Variants in DYNC1LI2 observed in about 807,000 individuals in gnomAD.
DYNC1LI2 encodes cytoplasmic dynein 1 light intermediate chain 2.
In DYNC1LI2, 19 loss-of-function variants were observed where a neutral mutation model predicts 57.8. The ratio of observed to expected loss-of-function variants is 0.33; its 90% CI spans 0.23 to 0.48. DYNC1LI2 has a LOEUF of 0.48. Ranked by LOEUF, DYNC1LI2 falls within the 20% of genes least tolerant of loss-of-function variation. The pLI is 0.99. For missense variants in DYNC1LI2, 470 were observed against 604.2 expected, an observed-to-expected ratio of 0.78 and a Z score of 2.33; for synonymous variants, 256 against 233.4, an observed-to-expected ratio of 1.10 and a Z score of -0.88.
chr16:66,741,897 C>CAAAAAAAAAAAA (rs66527903), intron 4 of DYNC1LI2, among the ~76,000 whole-genome samples: 1 of 106,848 alleles, frequency 9.4e-6, no homozygotes, highest in African/African-American at 3.6e-5. Flanking sequence ...ATGTTAATTA[C>CAAAAAAAAAAAA]AAAAAAAAAA....
At chr16:66,732,227 A>T (rs918621225) in intron 7 of DYNC1LI2, 112 bp downstream of exon 7, 19 of 1,310,100 alleles carry the variant, frequency 1.5e-5, no homozygotes, top group Non-Finnish European at 1.9e-5. Context: ...GCAGTGAGAG[A>T]GCTGGCTGTA....
At chr16:66,728,821 T>C (rs1197643633) in intron 9 of DYNC1LI2, among the ~76,000 whole-genome samples, 2 of 152,222 alleles carry the variant, frequency 1.3e-5, no homozygotes. Context: ...CTACTATTCC[T>C]GTAGGAGAGT....
At chr16:66,740,363 C>CAA (rs1015964008) in intron 4 of DYNC1LI2, among the ~76,000 whole-genome samples, 5 of 152,266 alleles carry the variant, frequency 3.3e-5, no homozygotes, top group Middle Eastern at 3.4e-3. Flanking sequence ...ATCTGGAAAG[C>CAA]AAGAGTCCTC....
chr16:66,722,116 G>A lies in DYNC1LI2; in HGVS notation c.*1606C>T, dbSNP rs971041662. Reference sequence around the variant, plus strand: ...TATCAGAAAGGCAAGTTGATACTCAGCTTTCTCCTTAACAGTGTTCAGACC... The same window carrying A: ...TATCAGAAAGGCAAGTTGATACTCAACTTTCTCCTTAACAGTGTTCAGACC... On this transcript the variant is annotated 3_prime_UTR_variant, in exon 13 of 13. Transcript: ENST00000258198. The A allele has an allele frequency of 1.3e-5, 2 of 152,614 alleles. No individual in the cohort carries two copies. The highest frequency in any genetic ancestry group is 2.4e-5 in the African/African-American group (1 of 41,440). The allele number at this position is 152,614 out of a possible 1,614,324, so 9.5% of individuals were successfully genotyped here.
At chr16:66,730,247 G>A (rs2017611773) in intron 7 of DYNC1LI2, 24 bp from the exon 8 acceptor site, 3 of 1,600,906 alleles carry the variant, frequency 1.9e-6, no homozygotes, top group African/African-American at 2.7e-5. Flanking sequence ...GAGAGGGACT[G>A]AATTGCTTTT....
chr16:66,730,557 C>T (rs1181296098), intron 7 of DYNC1LI2: 2 of 185,872 alleles, frequency 1.1e-5, no homozygotes, highest in Non-Finnish European at 2.2e-5. Flanking sequence ...CCTGTTCCGA[C>T]AGAGAATAGG....
At chr16:66,750,350 C>T (rs1033729489) in intron 2 of DYNC1LI2, among the ~76,000 whole-genome samples, 2 of 152,116 alleles carry the variant, frequency 1.3e-5, no homozygotes, top group Admixed American at 1.3e-4. Context: ...AGATAAAAGC[C>T]ATTTGAAAAA....
At position 66,732,454 on chromosome 16, in the gene DYNC1LI2, T is replaced by C. The variant is rs2017654968; in HGVS notation, c.814A>G (p.Thr272Ala). ...AGGTTTTTCTCTTCTTTCACTGATG[T>C]GTAAATCAAGGCAGCTCCATCTAAT... The part of the protein sequence containing the change: ...CLQYGAALIY[T>A]SVKEEKNLDL... Residue 272 changes from threonine (T) to alanine (A), a missense_variant, in exon 7 of 13, where the codon ACA becomes GCA. By Grantham distance (58) the Thr-to-Ala change is moderately conservative. Transcript: ENST00000258198. 1.2e-6 allele frequency: 2 copies of C among 1,612,806 alleles called. No individual in the cohort carries two copies. Among genetic ancestry groups the C allele is most frequent in the Non-Finnish European group, 1.7e-6 (2 of 1,179,886 alleles).
intron 3 of DYNC1LI2, among the ~76,000 whole-genome samples, chr16:66,746,301 G>A (rs2017934858): frequency 6.6e-6 from 1 of 152,158 alleles, no homozygotes; most frequent in Non-Finnish European, 1.5e-5. Flanking sequence ...AAACCTGGAG[G>A]CAGAGGTCCT....
intron 3 of DYNC1LI2, among the ~76,000 whole-genome samples, chr16:66,744,796 G>A (rs2017905796): frequency 1.3e-5 from 2 of 152,182 alleles, no homozygotes; most frequent in Admixed American, 6.5e-5. Flanking sequence ...CTGACCTCAA[G>A]TGATCTGCCC....
Position 66,751,133 on chromosome 16 carries a change from C to G in DYNC1LI2, c.181+140G>C. On this transcript the variant is annotated intron_variant, in intron 2 of 12. Transcript: ENST00000258198. This position sits in a 1 kb window ranked among gnomAD's most constrained non-coding sequence, Gnocchi z 5.2. ...CGCTGGAGGCTTGACCACTCTCCAGCTGACCGGCCAGGGCCGACGGTCCCT... is the reference window on the plus strand; with the variant it reads ...CGCTGGAGGCTTGACCACTCTCCAGGTGACCGGCCAGGGCCGACGGTCCCT... 1 of 983,814 alleles carries G rather than the reference C, an allele frequency of 1.0e-6. No individual in the cohort carries two copies. Among genetic ancestry groups the G allele is most frequent in the Non-Finnish European group, 1.5e-6 (1 of 684,100 alleles). 60.9% of individuals were successfully genotyped at this position (983,814 alleles called of 1,614,324 possible).
chr16:66,723,840 C>T lies in DYNC1LI2; in HGVS notation c.1379-18G>A, dbSNP rs766470575. 13 of 1,468,700 alleles carry T rather than the reference C, an allele frequency of 8.9e-6. No individual in the cohort carries two copies. Among genetic ancestry groups the T allele is most frequent in the Non-Finnish European group, 1.1e-5 (12 of 1,084,744 alleles). The allele number at this position is 1,468,700 out of a possible 1,614,324, so 91.0% of individuals were successfully genotyped here. A position where few individuals can be genotyped will look rare whatever the true frequency, so the allele number is the denominator to read the frequency against. ...CTTTTGTCCTGAAAAAAAAAAAAAG[C>T]AAAAAAGCAAAGTAATGATGTGAGA... On this transcript the variant is annotated intron_variant, in intron 12 of 12. Transcript: ENST00000258198.
In DYNC1LI2 at chr16:66,723,831, A is replaced by G; in HGVS notation, c.1379-9T>C. The G allele has an allele frequency of 6.3e-7, 1 of 1,575,266 alleles. No homozygotes were observed. The highest frequency in any genetic ancestry group is 2.2e-5 in the East Asian group (1 of 44,768). Reference sequence around the variant, plus strand: ...CAACACAGTCTTTTGTCCTGAAAAAAAAAAAAAGCAAAAAAGCAAAGTAAT... The same window carrying G: ...CAACACAGTCTTTTGTCCTGAAAAAGAAAAAAAGCAAAAAAGCAAAGTAAT... On this transcript the variant is annotated splice_polypyrimidine_tract_variant and intron_variant, in intron 12 of 12. Transcript: ENST00000258198.
In DYNC1LI2 at chr16:66,723,820, G is replaced by C; in HGVS notation, c.1381C>G (p.Gln461Glu). ...GVQSTAKKSG[Q>E]KTVLSNVQEE... ...TGAACATTTGACAACACAGTCTTTTGTCCTGAAAAAAAAAAAAAGCAAAAA... is the reference window on the plus strand; with the variant it reads ...TGAACATTTGACAACACAGTCTTTTCTCCTGAAAAAAAAAAAAAGCAAAAA... The change falls in exon 13 of 13, where the codon CAA becomes GAA. Residue 461 changes from glutamine (Q) to glutamate (E), a missense_variant and splice_region_variant. By Grantham distance (29) the Gln-to-Glu change is conservative. Coordinates refer to ENST00000258198, the MANE Select transcript of DYNC1LI2 (RefSeq NM_006141.3). 6.5e-7 allele frequency: 1 copy of C among 1,549,730 alleles called. No individual in the cohort carries two copies. The highest frequency in any genetic ancestry group is 8.6e-7 in the Non-Finnish European group (1 of 1,157,910).
Position 66,723,675 on chromosome 16 carries a change from T to C in DYNC1LI2, c.*47A>G. The C allele has an allele frequency of 6.5e-7, 1 of 1,549,344 alleles. No homozygotes were observed. The highest frequency in any genetic ancestry group is 8.8e-7 in the Non-Finnish European group (1 of 1,140,454). ...AAAAATCCTGGTCTTAGCAGATCAA[T>C]ATACATAGTTATTTGGTCATTCGAC... On this transcript the variant is annotated 3_prime_UTR_variant, in exon 13 of 13. Transcript: ENST00000258198.
intron 3 of DYNC1LI2, among the ~76,000 whole-genome samples, chr16:66,743,301 C>CA (rs1320786501): frequency 1.3e-5 from 2 of 152,090 alleles, no homozygotes; most frequent in African/African-American, 4.8e-5. Context: ...CGGTGGCTCA[C>CA]ACCTATAATC....
chr16:66,729,839 T>A (rs111420970), intron 8 of DYNC1LI2, among the ~76,000 whole-genome samples: 219 of 152,208 alleles, frequency 1.4e-3, no homozygotes, highest in African/African-American at 3.6e-3. Context: ...TGGAGTGCAG[T>A]GGCGCAATCT....
intron 3 of DYNC1LI2, among the ~76,000 whole-genome samples, chr16:66,748,415 G>A (rs960344383): frequency 1.3e-5 from 2 of 151,010 alleles, no homozygotes; most frequent in African/African-American, 4.9e-5. Flanking sequence ...AAAATTATAT[G>A]TAATCCTTAT....
Position 66,751,090 on chromosome 16 carries a change from C to A in DYNC1LI2, c.181+183G>T, listed in dbSNP as rs1256294542. 6.6e-6 allele frequency among the ~76,000 whole-genome samples: 1 copy of A among 152,232 alleles called. No homozygotes were observed. The highest frequency in any genetic ancestry group is 2.4e-5 in the African/African-American group (1 of 41,478). ...GCACCACTACGCTCTCCAAAGAGGGCAGCATCCCACCCTCAGGCGCTGGAG... is the reference window on the plus strand; with the variant it reads ...GCACCACTACGCTCTCCAAAGAGGGAAGCATCCCACCCTCAGGCGCTGGAG... On this transcript the variant is annotated intron_variant, in intron 2 of 12. Transcript: ENST00000258198. This position sits in a 1 kb window ranked among gnomAD's most constrained non-coding sequence, Gnocchi z 5.2.
Sources: allele counts gnomAD v4.1 joint callset (sites outside exome capture counted in the v4.1 genomes callset), GRCh38; gene constraint gnomAD v4.1.1; non-coding constraint Gnocchi (gnomAD v3.1); transcripts MANE v1.5; gene names NCBI Gene and HGNC (gene_info 2026-07-23, HGNC 2026-07-21).